Variants in SYT9 observed in about 807,000 individuals in gnomAD.
SYT9 encodes the protein synaptotagmin-9.
Under a neutral mutation model 48.4 loss-of-function variants are expected in SYT9, and 22 were observed. The ratio of observed to expected loss-of-function variants is 0.45; its 90% confidence interval spans 0.32 to 0.65. The LOEUF (loss-of-function observed/expected upper bound fraction) is 0.65, where lower values mean the gene tolerates loss of function less well. SYT9 is among the 30% of genes least tolerant of loss of function. SYT9 has a pLI of 0.03. For synonymous variants in SYT9, 265 were observed against 245.0 expected, an observed-to-expected ratio of 1.08 and a Z score of -0.76; for missense variants, 577 against 622.0, an observed-to-expected ratio of 0.93 and a Z score of 0.77.
chr11:7,314,737 G>C (rs74756152), intron 3 of SYT9, among the ~76,000 whole-genome samples: 3,329 of 152,260 alleles, frequency 0.022, 40 homozygotes, highest in Non-Finnish European at 0.035. Flanking sequence ...ATATTTTAAA[G>C]CCACTTGTTT....
chr11:7,277,978 T>C (rs981117823), intron 1 of SYT9, among the ~76,000 whole-genome samples: 1 of 152,202 alleles, frequency 6.6e-6, no homozygotes, highest in Non-Finnish European at 1.5e-5. Flanking sequence ...GAGTAATTTC[T>C]AAAGAAAAGG....
intron 3 of SYT9, among the ~76,000 whole-genome samples, chr11:7,315,375 C>T (rs1293789694): frequency 6.6e-6 from 1 of 152,144 alleles, no homozygotes; most frequent in African/African-American, 2.4e-5. Context: ...TACAAAGATA[C>T]GAATGGCTCA....
At chr11:7,361,079 C>A (rs1385091889) in intron 3 of SYT9, among the ~76,000 whole-genome samples, 1 of 151,784 alleles carries the variant, frequency 6.6e-6, no homozygotes, top group Admixed American at 6.6e-5. Context: ...TCTCTTTTTT[C>A]TTGATTCTTT....
chr11:7,350,606 T>G (rs1849895825), intron 3 of SYT9, among the ~76,000 whole-genome samples: 1 of 152,146 alleles, frequency 6.6e-6, no homozygotes. Flanking sequence ...TGGGCTCACT[T>G]TCCTTCATCT....
chr11:7,378,901 C>G (rs1850504509), intron 3 of SYT9, among the ~76,000 whole-genome samples: 1 of 152,090 alleles, frequency 6.6e-6, no homozygotes, highest in South Asian at 2.1e-4. Context: ...ATTTCCAGCT[C>G]ATCTTAATGT....
chr11:7,350,488 T>C (rs768643963), intron 3 of SYT9, among the ~76,000 whole-genome samples: 7 of 152,220 alleles, frequency 4.6e-5, no homozygotes, highest in Admixed American at 6.5e-5. Context: ...CTGAGCTGCC[T>C]ACGTGCATTG....
At chr11:7,332,830 G>T (rs1420253825) in intron 3 of SYT9, among the ~76,000 whole-genome samples, 2 of 152,184 alleles carry the variant, frequency 1.3e-5, no homozygotes, top group Non-Finnish European at 2.9e-5. Flanking sequence ...ACCTGGAACA[G>T]CTGTAAAAGA....
intron 3 of SYT9, among the ~76,000 whole-genome samples, chr11:7,343,890 CAGAATG>C (rs1849755295): frequency 6.6e-6 from 1 of 152,144 alleles, no homozygotes; most frequent in African/African-American, 2.4e-5. Context: ...GCAGGCAAGA[CAGAATG>C]AGAGCCAAGC....
At chr11:7,451,422 T>A (rs2134148592) in intron 6 of SYT9, among the ~76,000 whole-genome samples, 1 of 152,356 alleles carries the variant, frequency 6.6e-6, no homozygotes, top group Middle Eastern at 3.4e-3. Flanking sequence ...CTCGCTATCT[T>A]AGCTTGAAAA....
chr11:7,280,129 GTTTAT>G (rs1274561141), intron 1 of SYT9, among the ~76,000 whole-genome samples: 4 of 152,226 alleles, frequency 2.6e-5, no homozygotes, highest in Non-Finnish European at 2.9e-5. Context: ...ACACGCATAC[GTTTAT>G]TTTAAGTGTT....
intron 1 of SYT9, among the ~76,000 whole-genome samples, chr11:7,270,256 A>G (rs974808805): frequency 1.3e-5 from 2 of 152,158 alleles, no homozygotes; most frequent in Admixed American, 1.3e-4. Flanking sequence ...ATGGGGCATT[A>G]TTATTTTAAT....
chr11:7,313,061 G>C (rs749928566), intron 2 of SYT9, among the ~76,000 whole-genome samples: 6 of 152,158 alleles, frequency 3.9e-5, no homozygotes, highest in Admixed American at 2.0e-4. Flanking sequence ...TTTTAAAGCA[G>C]TTTGTACAAA....
chr11:7,257,080 G>A (rs948031196), intron 1 of SYT9, among the ~76,000 whole-genome samples: 1 of 152,050 alleles, frequency 6.6e-6, no homozygotes, highest in Non-Finnish European at 1.5e-5. Flanking sequence ...AAATGGGCCT[G>A]GTATCAGTAT....
intron 3 of SYT9, among the ~76,000 whole-genome samples, chr11:7,405,759 G>T (rs1846996000): frequency 6.6e-6 from 1 of 151,998 alleles, no homozygotes; most frequent in Non-Finnish European, 1.5e-5. Context: ...ATGAGAAAAT[G>T]GGATATTTTA....
intron 1 of SYT9, among the ~76,000 whole-genome samples, chr11:7,297,545 TA>T (rs1848836564): frequency 6.6e-6 from 1 of 152,204 alleles, no homozygotes; most frequent in African/African-American, 2.4e-5. Context: ...TATGGTGTTT[TA>T]AACCCAATCA....
intron 3 of SYT9, among the ~76,000 whole-genome samples, chr11:7,360,936 T>A (rs961000221): frequency 3.3e-5 from 5 of 152,130 alleles, no homozygotes; most frequent in Non-Finnish European, 1.5e-5. Context: ...GGTAACTGGT[T>A]TTTTTCTAGT....
intron 1 of SYT9, among the ~76,000 whole-genome samples, chr11:7,300,776 C>T (rs1209493643): frequency 6.6e-6 from 1 of 152,056 alleles, no homozygotes; most frequent in Non-Finnish European, 1.5e-5. Flanking sequence ...CCTTCGTGGT[C>T]CCCCAGCACT....
chr11:7,407,920 G>A (rs1239993757), intron 3 of SYT9, among the ~76,000 whole-genome samples: 1 of 152,054 alleles, frequency 6.6e-6, no homozygotes, highest in Non-Finnish European at 1.5e-5. Context: ...TGTTGTTTTG[G>A]TTACTGTAGC....
intron 3 of SYT9, among the ~76,000 whole-genome samples, chr11:7,391,052 A>C (rs948484213): frequency 2.6e-5 from 4 of 152,076 alleles, no homozygotes; most frequent in Non-Finnish European, 5.9e-5. Context: ...AAATTTAGCC[A>C]CCACTTATAA....
Sources: allele counts gnomAD v4.1 joint callset (sites outside exome capture counted in the v4.1 genomes callset), GRCh38; gene constraint gnomAD v4.1.1; transcripts MANE v1.5; gene names NCBI Gene and HGNC (gene_info 2026-07-23, HGNC 2026-07-21).